LUZP2: variants seen among roughly 807,000 people sequenced by gnomAD.
LUZP2 encodes leucine zipper protein 2.
Under a neutral mutation model 51.6 loss-of-function variants are expected in LUZP2, and 52 were observed. The observed-to-expected ratio is 1.01, with a 90% CI of 0.81 to 1.27. The LOEUF is 1.27. Among genes scored for constraint, LUZP2 ranks in the 50% most tolerant of loss-of-function variants. The probability of loss-of-function intolerance (pLI) is 0.00; values close to 1 mark genes in which losing one functional copy is unlikely to be tolerated. For synonymous variants in LUZP2, 154 were observed against 137.3 expected (o/e 1.12, Z -0.85); for missense variants, 436 against 395.4 (o/e 1.10, Z -0.87).
chr11:24,530,590 C>T (rs1850961099), intron 1 of LUZP2, among the ~76,000 whole-genome samples: 1 of 150,674 alleles, frequency 6.6e-6, no homozygotes, highest in African/African-American at 2.4e-5. Context: ...TAAACTGTAT[C>T]TCTCCTTTCT....
At chr11:25,072,114 T>C (rs1420358142) in intron 10 of LUZP2, among the ~76,000 whole-genome samples, 1 of 152,082 alleles carries the variant, frequency 6.6e-6, no homozygotes, top group African/African-American at 2.4e-5. Context: ...GATAGATAAT[T>C]AGTAGGTGAA....
chr11:24,803,572 A>G (rs1344700718), intron 5 of LUZP2, among the ~76,000 whole-genome samples: 1 of 152,092 alleles, frequency 6.6e-6, no homozygotes, highest in Non-Finnish European at 1.5e-5. Flanking sequence ...AAATGGGAAA[A>G]CAACCCAAGT....
intron 8 of LUZP2, among the ~76,000 whole-genome samples, chr11:24,979,425 CCT>C (rs1332855457): frequency 6.6e-6 from 1 of 151,680 alleles, no homozygotes; most frequent in Non-Finnish European, 1.5e-5. Context: ...TAGATTTTCC[CCT>C]CTCTCCATCA....
At chr11:24,548,289 T>C (rs563581329) in intron 1 of LUZP2, among the ~76,000 whole-genome samples, 15 of 152,066 alleles carry the variant, frequency 9.9e-5, no homozygotes, top group African/African-American at 3.6e-4. Flanking sequence ...AACAAATACA[T>C]GGAGTAAACC....
At chr11:24,598,516 G>A (rs1853519260) in intron 1 of LUZP2, among the ~76,000 whole-genome samples, 1 of 152,066 alleles carries the variant, frequency 6.6e-6, no homozygotes, top group South Asian at 2.1e-4. Context: ...AAAAAAATAA[G>A]TGCATCAGCA....
intron 5 of LUZP2, chr11:24,890,894 CTTTTTTTTT>C: frequency 1.4e-6 from 1 of 739,036 alleles, no homozygotes; most frequent in Non-Finnish European, 1.6e-6. Context: ...AGTAAAAGTT[CTTTTTTTTT>C]TTTTTTTTTT....
intron 1 of LUZP2, among the ~76,000 whole-genome samples, chr11:24,692,343 T>A (rs1334796559): frequency 2.2e-4 from 34 of 151,994 alleles, no homozygotes; most frequent in Admixed American, 2.2e-3. Context: ...TAATAAGTGC[T>A]GGCAAAACAA....
chr11:24,856,560 A>G (rs923448104), intron 5 of LUZP2, among the ~76,000 whole-genome samples: 3 of 152,128 alleles, frequency 2.0e-5, no homozygotes, highest in South Asian at 2.1e-4. Context: ...CATTCGATCC[A>G]GGTACACAAC....
At chr11:24,670,280 T>C (rs1039108823) in intron 1 of LUZP2, among the ~76,000 whole-genome samples, 2 of 152,098 alleles carry the variant, frequency 1.3e-5, no homozygotes, top group Non-Finnish European at 2.9e-5. Flanking sequence ...AAGTAATTTT[T>C]TAAATGGCAA....
intron 9 of LUZP2, among the ~76,000 whole-genome samples, chr11:24,991,633 A>C (rs1156422748): frequency 6.6e-6 from 1 of 151,916 alleles, no homozygotes; most frequent in Non-Finnish European, 1.5e-5. Flanking sequence ...TAGTTGTTTA[A>C]GGAATTTCCA....
At chr11:24,777,544 T>C (rs749589579) in intron 5 of LUZP2, among the ~76,000 whole-genome samples, 49 of 152,172 alleles carry the variant, frequency 3.2e-4, no homozygotes, top group Non-Finnish European at 5.4e-4. Context: ...GAAAATCTAA[T>C]GTATCAAAAT....
At chr11:24,537,649 C>G (rs1042970091) in intron 1 of LUZP2, among the ~76,000 whole-genome samples, 2 of 47,544 alleles carry the variant, frequency 4.2e-5, no homozygotes. Flanking sequence ...ACTTCTGAAG[C>G]AAAACGTGTT....
intron 9 of LUZP2, among the ~76,000 whole-genome samples, chr11:25,028,300 C>T (rs1020250912): frequency 1.3e-5 from 2 of 152,158 alleles, no homozygotes; most frequent in African/African-American, 4.8e-5. Context: ...AATACTAGCT[C>T]TTATTCGTTA....
intron 1 of LUZP2, among the ~76,000 whole-genome samples, chr11:24,659,963 T>C (rs910074015): frequency 1.3e-5 from 2 of 152,144 alleles, no homozygotes; most frequent in African/African-American, 4.8e-5. Context: ...GCAGTTGTAA[T>C]TAGGTCCATA....
chr11:25,030,300 T>G (rs1230095936), intron 9 of LUZP2, among the ~76,000 whole-genome samples: 3 of 152,170 alleles, frequency 2.0e-5, no homozygotes, highest in Non-Finnish European at 4.4e-5. Context: ...CATTAACAAA[T>G]TAAAGTATGA....
chr11:24,595,837 T>G (rs1853426497), intron 1 of LUZP2, among the ~76,000 whole-genome samples: 1 of 152,168 alleles, frequency 6.6e-6, no homozygotes, highest in Non-Finnish European at 1.5e-5. Flanking sequence ...TCAAGAAGCT[T>G]ACATTCAACA....
intron 5 of LUZP2, among the ~76,000 whole-genome samples, chr11:24,803,019 T>A (rs1590556804): frequency 2.6e-5 from 4 of 152,070 alleles, no homozygotes; most frequent in Admixed American, 2.6e-4. Context: ...TCTGTGGTAT[T>A]TGTTATAGCA....
chr11:24,606,189 A>T (rs1370558787), intron 1 of LUZP2, among the ~76,000 whole-genome samples: 1 of 151,948 alleles, frequency 6.6e-6, no homozygotes, highest in South Asian at 2.1e-4. Flanking sequence ...ACACATAAAG[A>T]TGATCTCTAA....
At chr11:25,029,228 AGAGGATTGTTTGTTACTC>A (rs1857578680) in intron 9 of LUZP2, among the ~76,000 whole-genome samples, 1 of 152,154 alleles carries the variant, frequency 6.6e-6, no homozygotes, top group Non-Finnish European at 1.5e-5. Context: ...AAAGGGTGTA[AGAGGATTGTTTGTTACTC>A]GAAGGATAAA....
Sources: allele counts gnomAD v4.1 joint callset (sites outside exome capture counted in the v4.1 genomes callset), GRCh38; gene constraint gnomAD v4.1.1; transcripts MANE v1.5; gene names NCBI Gene and HGNC (gene_info 2026-07-23, HGNC 2026-07-21).